ACTR3C: variants seen among roughly 807,000 people sequenced by gnomAD.
ACTR3C encodes actin-related protein 3C.
In ACTR3C, 18 loss-of-function variants were observed where a neutral mutation model predicts 26.3. The ratio of observed to expected loss-of-function variants is 0.68; its 90% CI spans 0.47 to 1.01. The LOEUF is 1.01. Ranked by LOEUF, ACTR3C falls within the 50% of genes least tolerant of loss-of-function variation. The pLI is 0.00. For missense variants in ACTR3C, 184 were observed against 250.7 expected (o/e 0.73, Z 1.80); for synonymous variants, 55 against 94.5 (o/e 0.58, Z 2.42).
At chr7:149,990,731 T>C in the ACTR3C span, among the ~76,000 whole-genome samples, 3 of 151,682 alleles carry the variant, frequency 2.0e-5, no homozygotes, top group African/African-American at 7.3e-5. Flanking sequence ...AATGAACTTT[T>C]ATCTCTGAGT....
the ACTR3C span, among the ~76,000 whole-genome samples, chr7:150,094,241 C>T: frequency 2.7e-5 from 4 of 150,204 alleles, no homozygotes; most frequent in Admixed American, 2.0e-4. Context: ...CAGAAAGAAT[C>T]TACAAAGAAC....
At chr7:150,053,920 G>C in the ACTR3C span, among the ~76,000 whole-genome samples, 3 of 152,230 alleles carry the variant, frequency 2.0e-5, no homozygotes, top group African/African-American at 7.2e-5. Context: ...ACCCCCGAAA[G>C]AGAAGGCTTG....
At chr7:150,132,805 T>G in the ACTR3C span, among the ~76,000 whole-genome samples, 1 of 152,292 alleles carries the variant, frequency 6.6e-6, no homozygotes, top group South Asian at 2.1e-4. Context: ...ATGCATATGT[T>G]CCTTGCAGCA....
At chr7:150,294,592 T>C (rs1836576447) in intron 2 of ACTR3C, among the ~76,000 whole-genome samples, 1 of 152,262 alleles carries the variant, frequency 6.6e-6, no homozygotes, top group Non-Finnish European at 1.5e-5. Context: ...TGATAGGCAC[T>C]GTGAATCAGC....
chr7:150,161,093 C>T, the ACTR3C span, among the ~76,000 whole-genome samples: 7 of 150,310 alleles, frequency 4.7e-5, no homozygotes, highest in Non-Finnish European at 1.5e-5. Context: ...CCAAAGGCAC[C>T]TTAATGTTCT....
At chr7:149,935,470 C>T in the ACTR3C span, among the ~76,000 whole-genome samples, 4 of 147,614 alleles carry the variant, frequency 2.7e-5, no homozygotes, top group East Asian at 5.9e-4. Flanking sequence ...GGTATGATCT[C>T]GGCTCACTGC....
the ACTR3C span, chr7:150,045,182 G>A: frequency 3.3e-5 from 5 of 152,202 alleles, no homozygotes; most frequent in East Asian, 7.7e-4. Flanking sequence ...CTAAAAAGCA[G>A]TTTTTCTACC....
intron 1 of ACTR3C, among the ~76,000 whole-genome samples, chr7:150,316,509 G>A: frequency 7.6e-6 from 1 of 131,148 alleles, no homozygotes; most frequent in African/African-American, 2.9e-5. Context: ...TTTTTTTTGA[G>A]GCGGAGTCTC....
chr7:150,222,431 G>C, the ACTR3C span, among the ~76,000 whole-genome samples: 1 of 152,246 alleles, frequency 6.6e-6, no homozygotes, highest in South Asian at 2.1e-4. Flanking sequence ...GCTTCGCATA[G>C]TAGTAGGTGT....
the ACTR3C span, among the ~76,000 whole-genome samples, chr7:150,071,844 A>G: frequency 6.6e-6 from 1 of 150,710 alleles, no homozygotes; most frequent in African/African-American, 2.4e-5. Context: ...GGCATCAGGA[A>G]TTGGATGCAG....
chr7:150,076,608 C>A, the ACTR3C span: 1 of 152,114 alleles, frequency 6.6e-6, no homozygotes, highest in East Asian at 1.9e-4. Flanking sequence ...CCTCTCCTGG[C>A]AGATTGAGTG....
the ACTR3C span, among the ~76,000 whole-genome samples, chr7:150,236,690 A>G: frequency 2.0e-5 from 3 of 151,882 alleles, no homozygotes; most frequent in African/African-American, 7.3e-5. Context: ...ACCAATCAGA[A>G]GACTGTTCTA....
rs1835637152 is a variant in ACTR3C at position 150,284,798 on chromosome 7, T to G, written c.519A>C (p.Glu173Asp). The G allele has an allele frequency of 3.1e-6, 5 of 1,613,562 alleles. No individual in the cohort carries two copies. Among genetic ancestry groups the G allele is most frequent in the Non-Finnish European group, 4.2e-6 (5 of 1,179,698 alleles). ...SMESISDVVD[E>D]VIQNCPIDVR... is the part of the protein sequence containing the mutation. ...CATCGATGGGGCAGTTCTGTATTAC[T>G]TCATCAACAACATCTGAGATGGACT... Residue 173 changes from glutamate to aspartate, a missense_variant, in exon 6 of 8, where the codon GAA becomes GAC. Coordinates refer to ENST00000683684, the MANE Select transcript of ACTR3C (RefSeq NM_001164458.2).
the ACTR3C span, among the ~76,000 whole-genome samples, chr7:150,210,099 G>T: frequency 6.6e-6 from 1 of 152,076 alleles, no homozygotes; most frequent in East Asian, 1.9e-4. Context: ...AGGATATGTG[G>T]ATGGAAATAA....
the ACTR3C span, among the ~76,000 whole-genome samples, chr7:150,185,563 T>A: frequency 6.6e-6 from 1 of 152,122 alleles, no homozygotes; most frequent in African/African-American, 2.4e-5. Context: ...GAGTGGTTAA[T>A]CTAACCCTGC....
At chr7:150,078,088 A>G in the ACTR3C span, among the ~76,000 whole-genome samples, 1 of 152,242 alleles carries the variant, frequency 6.6e-6, no homozygotes, top group African/African-American at 2.4e-5. Flanking sequence ...GGGGACATGC[A>G]TCTTTCAATC....
the ACTR3C span, among the ~76,000 whole-genome samples, chr7:150,195,153 G>A: frequency 2.0e-5 from 3 of 149,684 alleles, no homozygotes; most frequent in African/African-American, 4.9e-5. Flanking sequence ...TCTGTGAAGT[G>A]TAAGGATCAC....
the ACTR3C span, among the ~76,000 whole-genome samples, chr7:149,965,820 C>T: frequency 1.3e-5 from 2 of 152,200 alleles, no homozygotes; most frequent in African/African-American, 4.8e-5. Context: ...CTTTCCCCTA[C>T]TTAATGCCTT....
chr7:150,036,427 C>G, the ACTR3C span, among the ~76,000 whole-genome samples: 2 of 146,750 alleles, frequency 1.4e-5, no homozygotes, highest in Non-Finnish European at 3.1e-5. Flanking sequence ...TTTTCTCTCT[C>G]TGACGCATAC....
Sources: gnomAD v4.1 joint callset for allele counts (sites outside exome capture counted in the v4.1 genomes callset) on GRCh38, gnomAD v4.1.1 for gene constraint, MANE v1.5 for transcripts, NCBI Gene and HGNC (gene_info 2026-07-23, HGNC 2026-07-21) for gene names.